The following PLCH1 variants were observed in gnomAD, a reference collection of about 807,000 sequenced individuals.
PLCH1 encodes phospholipase C eta 1, also known as 1-phosphatidylinositol 4,5-bisphosphate phosphodiesterase eta-1.
Under a neutral mutation model 126.7 loss-of-function variants are expected in PLCH1, and 60 were observed. The observed-to-expected ratio is 0.47, with a 90% CI of 0.38 to 0.59. The LOEUF (loss-of-function observed/expected upper bound fraction) is 0.59. Ranked by LOEUF, PLCH1 falls within the 20% of genes least tolerant of loss-of-function variation. The pLI is 0.00. For synonymous variants in PLCH1, 719 were observed against 734.9 expected (o/e 0.98, Z 0.35); for missense variants, 1,723 against 2,040.0 (o/e 0.84, Z 2.99).
chr3:155,742,979 A>C, intron 1 of PLCH1: 1 of 235,426 alleles, frequency 4.2e-6, no homozygotes, highest in South Asian at 4.5e-5. Flanking sequence ...TTTATGCCAC[A>C]CTTTATCCCA....
intron 2 of PLCH1, among the ~76,000 whole-genome samples, chr3:155,634,045 A>C (rs1021923652): frequency 6.6e-6 from 1 of 152,172 alleles, no homozygotes; most frequent in Non-Finnish European, 1.5e-5. Context: ...CAGCATCAAT[A>C]ACTAAGCCTA....
chr3:155,610,273 A>G (rs565700753), intron 2 of PLCH1, among the ~76,000 whole-genome samples: 1 of 148,636 alleles, frequency 6.7e-6, no homozygotes, highest in African/African-American at 2.5e-5. Flanking sequence ...AGGCAGGAGA[A>G]TCGCTTGAAC....
At chr3:155,641,197 A>G (rs1407776721) in intron 2 of PLCH1, among the ~76,000 whole-genome samples, 1 of 151,184 alleles carries the variant, frequency 6.6e-6, no homozygotes, top group African/African-American at 2.4e-5. Flanking sequence ...TCAACGTTAA[A>G]AAAAAAAAAA....
At chr3:155,643,169 G>A (rs533198255) in intron 2 of PLCH1, among the ~76,000 whole-genome samples, 9 of 152,112 alleles carry the variant, frequency 5.9e-5, no homozygotes, top group African/African-American at 1.4e-4. Flanking sequence ...GGCTGGTCTC[G>A]AACTCCTGAC....
intron 2 of PLCH1, chr3:155,658,694 A>T (rs1481107826): frequency 1.3e-5 from 2 of 152,240 alleles, no homozygotes; most frequent in Non-Finnish European, 1.5e-5. Flanking sequence ...CTTTTAAAAA[A>T]GTTTATTTCT....
At chr3:155,734,896 T>C (rs558643885) in intron 1 of PLCH1, among the ~76,000 whole-genome samples, 3 of 151,928 alleles carry the variant, frequency 2.0e-5, no homozygotes, top group Non-Finnish European at 2.9e-5. Context: ...TTTTTAGTAG[T>C]GACGGGGTTT....
At chr3:155,535,617 C>T (rs986202225) in intron 10 of PLCH1, among the ~76,000 whole-genome samples, 17 of 152,146 alleles carry the variant, frequency 1.1e-4, no homozygotes, top group Non-Finnish European at 1.5e-4. Context: ...CCTACAGCAG[C>T]GACAGCAAAC....
chr3:155,623,782 G>A (rs191134790), intron 2 of PLCH1, among the ~76,000 whole-genome samples: 80 of 149,836 alleles, frequency 5.3e-4, no homozygotes, highest in African/African-American at 1.7e-3. Flanking sequence ...AAAAATATCC[G>A]AGGACCAGAC....
intron 2 of PLCH1, among the ~76,000 whole-genome samples, chr3:155,626,768 CAAAAAAAAAAAAAA>C (rs71155058): frequency 2.4e-4 from 12 of 49,654 alleles, no homozygotes; most frequent in Admixed American, 7.0e-4. Context: ...GACTCCGTCT[CAAAAAAAAAAAAAA>C]AAAAAAAAAA....
At chr3:155,679,599 T>C (rs1277450319) in intron 2 of PLCH1, among the ~76,000 whole-genome samples, 1 of 152,154 alleles carries the variant, frequency 6.6e-6, no homozygotes, top group Admixed American at 6.6e-5. Flanking sequence ...ACCAGTCATA[T>C]AATTCTAAAC....
At chr3:155,623,723 T>C (rs1736843429) in intron 2 of PLCH1, among the ~76,000 whole-genome samples, 1 of 152,174 alleles carries the variant, frequency 6.6e-6, no homozygotes, top group Non-Finnish European at 1.5e-5. Flanking sequence ...GGCGATTCCC[T>C]GAATAGACCA....
At chr3:155,610,865 A>G (rs1215020216) in intron 2 of PLCH1, among the ~76,000 whole-genome samples, 1 of 152,194 alleles carries the variant, frequency 6.6e-6, no homozygotes, top group Non-Finnish European at 1.5e-5. Context: ...CATCACTTTC[A>G]ATACTAATGT....
At chr3:155,469,762 C>CT (rs1186807353) in intron 21 of PLCH1, among the ~76,000 whole-genome samples, 9 of 152,004 alleles carry the variant, frequency 5.9e-5, no homozygotes, top group African/African-American at 2.2e-4. Context: ...AAGTGGGTCC[C>CT]TGACCCCTGA....
chr3:155,744,608 T>C (rs1418111622), intron 1 of PLCH1, among the ~76,000 whole-genome samples: 1 of 152,036 alleles, frequency 6.6e-6, no homozygotes, highest in Non-Finnish European at 1.5e-5. Flanking sequence ...CCCACCCTCA[T>C]CCTTCTGAAT....
chr3:155,524,989 C>A (rs187406209), intron 10 of PLCH1, among the ~76,000 whole-genome samples: 2 of 152,136 alleles, frequency 1.3e-5, no homozygotes, highest in East Asian at 3.9e-4. Flanking sequence ...TGCACTCCAG[C>A]CTGGGTGACA....
chr3:155,514,021 A>G (rs1719969531), intron 12 of PLCH1, among the ~76,000 whole-genome samples: 1 of 152,192 alleles, frequency 6.6e-6, no homozygotes. Context: ...CAACCATCAT[A>G]GACAGGAGAA....
At chr3:155,641,709 A>G (rs1739419558) in intron 2 of PLCH1, among the ~76,000 whole-genome samples, 1 of 152,218 alleles carries the variant, frequency 6.6e-6, no homozygotes, top group Non-Finnish European at 1.5e-5. Context: ...CCCCATAAAT[A>G]TGTACAACTG....
At chr3:155,551,284 A>G (rs1173401767) in intron 9 of PLCH1, among the ~76,000 whole-genome samples, 1 of 151,886 alleles carries the variant, frequency 6.6e-6, no homozygotes, top group Non-Finnish European at 1.5e-5. Context: ...GTCTCTACTA[A>G]AAATACAAAA....
In PLCH1 at chr3:155,504,330, A is replaced by G. The variant is rs117042781; in HGVS notation, c.1704+225T>C. 1.1e-4 allele frequency among the ~76,000 whole-genome samples: 17 copies of G among 152,296 alleles called. No individual in the cohort carries two copies. In the East Asian group the frequency reaches 3.3e-3, roughly 29 times the overall value. ...CAGTTTTTTGGATATATTATTGGATATATGTATTCAAAATATTCTTTCCCA... is the reference window on the plus strand; with the variant it reads ...CAGTTTTTTGGATATATTATTGGATGTATGTATTCAAAATATTCTTTCCCA... On this transcript the variant is annotated intron_variant, in intron 13 of 22. Transcript: ENST00000460012.
Sources: allele counts gnomAD v4.1 joint callset (sites outside exome capture counted in the v4.1 genomes callset), GRCh38; gene constraint gnomAD v4.1.1; transcripts MANE v1.5; gene names NCBI Gene and HGNC (gene_info 2026-07-23, HGNC 2026-07-21).